The following ZNF423 variants were observed in gnomAD, a reference collection of about 807,000 sequenced individuals.
The protein encoded by ZNF423 is zinc finger protein 423.
In ZNF423, 12 loss-of-function variants were observed where a neutral mutation model predicts 95.8. The ratio of observed to expected loss-of-function variants is 0.13; its 90% CI spans 0.08 to 0.20. The LOEUF (loss-of-function observed/expected upper bound fraction) is 0.20, where lower values mean the gene tolerates loss of function less well. ZNF423 is among the 10% of genes least tolerant of loss of function. The probability of loss-of-function intolerance (pLI) is 1.00; values close to 1 mark genes in which losing one functional copy is unlikely to be tolerated. For missense variants in ZNF423, 1,316 were observed against 1,737.1 expected (o/e 0.76, Z 4.31); for synonymous variants, 749 against 711.9 (o/e 1.05, Z -0.83).
chr16:49,739,332 G>A (rs551694189), intron 2 of ZNF423, among the ~76,000 whole-genome samples: 6 of 152,294 alleles, frequency 3.9e-5, no homozygotes, highest in East Asian at 1.9e-4. Context: ...CGTCAAACCC[G>A]GAGGGGTCTG....
At chr16:49,554,796 C>T (rs1196483544) in intron 5 of ZNF423, among the ~76,000 whole-genome samples, 7 of 151,796 alleles carry the variant, frequency 4.6e-5, no homozygotes, top group Non-Finnish European at 7.4e-5. Flanking sequence ...TGTTAGAAAC[C>T]CACTGTCAAG....
intron 5 of ZNF423, among the ~76,000 whole-genome samples, chr16:49,543,847 T>G (rs1334515395): frequency 6.6e-6 from 1 of 152,228 alleles, no homozygotes; most frequent in African/African-American, 2.4e-5. Flanking sequence ...ACTCACGGGC[T>G]GGCTGACCTT....
At position 49,571,199 on chromosome 16, in the gene ZNF423, T is replaced by C. The variant is rs113033406; in HGVS notation, c.3602-45705A>G. On this transcript the variant is annotated intron_variant, in intron 5 of 7. Transcript: ENST00000563137. Reference sequence around the variant, plus strand: ...AATAAATATCTACTAAGCACCTACCTTGTATCTTTTTTTTTAATCCATTTA... The same window carrying C: ...AATAAATATCTACTAAGCACCTACCCTGTATCTTTTTTTTTAATCCATTTA... Among the ~76,000 whole-genome samples the C allele has an allele frequency of 7.9e-3, 1,199 of 152,292 alleles. 15 individuals are homozygous for C. The highest frequency in any genetic ancestry group is 0.028 in the African/African-American group (1,150 of 41,556).
chr16:49,679,694 T>A (rs1362165672), intron 3 of ZNF423, among the ~76,000 whole-genome samples: 1 of 152,152 alleles, frequency 6.6e-6, no homozygotes, highest in Admixed American at 6.5e-5. Context: ...GTGGATGATA[T>A]GATTGATGGT....
At chr16:49,734,902 C>T (rs569354619) in intron 2 of ZNF423, among the ~76,000 whole-genome samples, 1 of 152,218 alleles carries the variant, frequency 6.6e-6, no homozygotes, top group South Asian at 2.1e-4. Context: ...TCATCATATC[C>T]CCATTTTACA....
At chr16:49,760,994 G>A (rs924410481) in intron 2 of ZNF423, among the ~76,000 whole-genome samples, 6 of 149,862 alleles carry the variant, frequency 4.0e-5, no homozygotes, top group Non-Finnish European at 5.9e-5. Flanking sequence ...ACGCACACAC[G>A]CACACATATA....
intron 3 of ZNF423, among the ~76,000 whole-genome samples, chr16:49,659,673 A>T (rs1403791816): frequency 3.3e-5 from 5 of 152,222 alleles, no homozygotes. Context: ...AGAGAAACTG[A>T]TGGAGAGCGA....
intron 3 of ZNF423, among the ~76,000 whole-genome samples, chr16:49,682,494 T>A (rs2031404527): frequency 6.6e-6 from 1 of 152,178 alleles, no homozygotes; most frequent in Admixed American, 6.5e-5. Context: ...AGCCTGAGAA[T>A]TCCCTTCACC....
At chr16:49,606,434 A>G (rs895234708) in intron 5 of ZNF423, among the ~76,000 whole-genome samples, 7 of 152,196 alleles carry the variant, frequency 4.6e-5, no homozygotes, top group Admixed American at 6.5e-5. Flanking sequence ...TAGGGTAACC[A>G]GCAAAGTTGA....
At chr16:49,605,522 C>T (rs1971510196) in intron 5 of ZNF423, among the ~76,000 whole-genome samples, 2 of 152,190 alleles carry the variant, frequency 1.3e-5, no homozygotes, top group Admixed American at 1.3e-4. Context: ...TCCAACTCAG[C>T]CTTCTAAAAG....
intron 5 of ZNF423, among the ~76,000 whole-genome samples, chr16:49,560,296 T>C (rs778748703): frequency 1.3e-5 from 2 of 152,180 alleles, no homozygotes; most frequent in Non-Finnish European, 2.9e-5. Context: ...CTTTACTGCC[T>C]GGACAGATTA....
intron 3 of ZNF423, among the ~76,000 whole-genome samples, chr16:49,641,898 G>C (rs949062776): frequency 4.6e-5 from 7 of 152,204 alleles, no homozygotes; most frequent in Non-Finnish European, 8.8e-5. Context: ...TGACATGAGG[G>C]AAATGGTCTA....
chr16:49,541,342 T>A (rs1422097458), intron 5 of ZNF423, among the ~76,000 whole-genome samples: 1 of 152,128 alleles, frequency 6.6e-6, no homozygotes, highest in Non-Finnish European at 1.5e-5. Context: ...AGACTAACAA[T>A]CACTCAGACT....
intron 1 of ZNF423, among the ~76,000 whole-genome samples, chr16:49,807,729 G>T (rs976269143): frequency 2.0e-5 from 3 of 152,174 alleles, no homozygotes; most frequent in Non-Finnish European, 2.9e-5. Flanking sequence ...ACCAAGGCAG[G>T]CCCTCCCTAA....
At chr16:49,533,269 C>T (rs1172358735) in intron 5 of ZNF423, among the ~76,000 whole-genome samples, 2 of 152,124 alleles carry the variant, frequency 1.3e-5, no homozygotes, top group African/African-American at 2.4e-5. Context: ...ACCTGGGGGT[C>T]GCAATGGGAT....
intron 3 of ZNF423, among the ~76,000 whole-genome samples, chr16:49,696,238 G>A (rs747137039): frequency 9.8e-5 from 15 of 152,294 alleles, no homozygotes; most frequent in Non-Finnish European, 1.9e-4. Flanking sequence ...TCACAAAGCA[G>A]GTAGAAAAGT....
At chr16:49,665,316 G>A (rs2030483140) in intron 3 of ZNF423, among the ~76,000 whole-genome samples, 1 of 152,230 alleles carries the variant, frequency 6.6e-6, no homozygotes, top group African/African-American at 2.4e-5. Context: ...CACTTAGGTG[G>A]TGAGGGTAGG....
intron 3 of ZNF423, among the ~76,000 whole-genome samples, chr16:49,723,898 A>G (rs1299781874): frequency 6.6e-6 from 1 of 152,106 alleles, no homozygotes; most frequent in Non-Finnish European, 1.5e-5. Flanking sequence ...TTTCTGTTTC[A>G]CACCACTTCG....
intron 2 of ZNF423, among the ~76,000 whole-genome samples, chr16:49,759,008 T>A (rs936305144): frequency 6.6e-6 from 1 of 152,230 alleles, no homozygotes; most frequent in Non-Finnish European, 1.5e-5. Flanking sequence ...GTTCACCTTA[T>A]AAAAATTCAC....
Sources: gnomAD v4.1 joint callset for allele counts (sites outside exome capture counted in the v4.1 genomes callset) on GRCh38, gnomAD v4.1.1 for gene constraint, MANE v1.5 for transcripts, NCBI Gene and HGNC (gene_info 2026-07-23, HGNC 2026-07-21) for gene names.